Variants in CXorf38 observed in about 807,000 individuals in gnomAD.
CXorf38 encodes the protein chromosome X open reading frame 38.
A neutral mutation model predicts 27.5 loss-of-function variants in CXorf38; 13 were observed. That is an observed-to-expected ratio of 0.47 (90% CI 0.31 to 0.75). The LOEUF (loss-of-function observed/expected upper bound fraction) is 0.75, where lower values mean the gene tolerates loss of function less well. Among genes scored for constraint, CXorf38 ranks in the 30% least tolerant of loss-of-function variants. CXorf38 has a pLI of 0.05. For missense variants in CXorf38, 240 were observed against 253.2 expected, an observed-to-expected ratio of 0.95 and a Z score of 0.35; for synonymous variants, 100 against 99.8, an observed-to-expected ratio of 1.00 and a Z score of -0.01.
intron 2 of CXorf38, among the ~76,000 whole-genome samples, chrX:40,641,911 G>C (rs1202947341): frequency 3.6e-5 from 4 of 111,763 alleles, no homozygotes; most frequent in Non-Finnish European, 7.5e-5. Context: ...AAAATAAACA[G>C]AGGCCCAATT....
Position 40,639,096 on chromosome X carries a change from T to C in CXorf38, c.384A>G (p.Gln128=). 8.3e-7 allele frequency: 1 copy of C among 1,211,329 alleles called. No homozygotes were observed. Among genetic ancestry groups the C allele is most frequent in the South Asian group, 1.8e-5 (1 of 57,002 alleles). The part of the protein sequence containing the change: ...AFMPRGLADK[Q]GPEECDAVAL... ...CAACTGCATCACATTCCTCAGGTCC[T>C]TGTTTGTCTGCTAGTCCTCGGGGCA... is the stretch of plus-strand genomic sequence containing the variant. Residue 128 remains glutamine (Q), a synonymous_variant, in exon 3 of 7, where the codon CAA becomes CAG. Coordinates refer to ENST00000327877, the MANE Select transcript of CXorf38 (RefSeq NM_144970.3).
At chrX:40,631,018 C>T (rs1927753154) in intron 5 of CXorf38, among the ~76,000 whole-genome samples, 1 of 110,510 alleles carries the variant, frequency 9.0e-6, no homozygotes, top group Non-Finnish European at 1.9e-5. Flanking sequence ...TGGGGGTACA[C>T]AAGGGAATAT....
At position 40,647,489 on chromosome X, in the gene CXorf38, T is replaced by C. The variant is rs1196026258; in HGVS notation, c.32A>G (p.Asn11Ser). ...CACCCAGTTCTTGTACTCGGCGCAGTTGAGGCGCGCCGCTAGCTCCGACAG... is the reference window on the plus strand; with the variant it reads ...CACCCAGTTCTTGTACTCGGCGCAGCTGAGGCGCGCCGCTAGCTCCGACAG... Reference protein sequence around the residue: MVLSELAARLNCAEYKNWVKA... With the variant: MVLSELAARLSCAEYKNWVKA... The change falls in exon 1 of 7, where the codon AAC becomes AGC. Residue 11 changes from asparagine to serine, a missense_variant. Transcript: ENST00000327877. 8.4e-7 allele frequency: 1 copy of C among 1,187,624 alleles called. No individual in the cohort carries two copies. Among genetic ancestry groups the C allele is most frequent in the South Asian group, 1.8e-5 (1 of 54,843 alleles).
intron 2 of CXorf38, among the ~76,000 whole-genome samples, chrX:40,640,812 C>T (rs1345155643): frequency 6.4e-5 from 7 of 109,124 alleles, no homozygotes; most frequent in Non-Finnish European, 9.5e-5. Flanking sequence ...TGGTGGCACG[C>T]GCCTGTAATC....
At position 40,647,011 on chromosome X, in the gene CXorf38, G is replaced by A; in HGVS notation, c.347C>T (p.Ala116Val). 1 of 1,210,392 alleles carries A rather than the reference G, an allele frequency of 8.3e-7. No homozygotes were observed. The highest frequency in any genetic ancestry group is 1.1e-6 in the Non-Finnish European group (1 of 894,758). The change falls in exon 2 of 7, where the codon GCC becomes GTC. Residue 116 changes from alanine to valine, a missense_variant. By Grantham distance (64) the Ala-to-Val change is moderately conservative. Transcript: ENST00000327877. ...GRWPVDAWEV[A>V]KAFMPRGLAD... ...GTCCCCGCCTCAGGCGCTTACCTTG[G>A]CCACCTCCCAGGCGTCCACGGGCCA...
chrX:40,647,121 C>T lies in CXorf38; in HGVS notation c.237G>A (p.Val79=). 2 of 1,212,175 alleles carry T rather than the reference C, an allele frequency of 1.6e-6. No homozygotes were observed. The highest frequency in any genetic ancestry group is 2.2e-6 in the Non-Finnish European group (2 of 895,450). ...AAATCTCCCTTTTCCATTCAGCGCACACCTGACACTGAGGCTGAAACTACA... is the reference window on the plus strand; with the variant it reads ...AAATCTCCCTTTTCCATTCAGCGCATACCTGACACTGAGGCTGAAACTACA... ...RARQFQPQCQ[V]CAEWKREILR... Residue 79 remains valine (V), a synonymous_variant, in exon 2 of 7, where the codon GTG becomes GTA. Coordinates refer to ENST00000327877, the MANE Select transcript of CXorf38 (RefSeq NM_144970.3).
chrX:40,639,182 G>A (rs937996847), intron 2 of CXorf38, 54 bp from the exon 3 acceptor site: 1 of 1,134,141 alleles, frequency 8.8e-7, no homozygotes, highest in Non-Finnish European at 1.2e-6. Flanking sequence ...TCTAGGAGAT[G>A]GAAAGGCAAT....
At chrX:40,630,806 G>A in intron 5 of CXorf38, 33 bp from the exon 6 acceptor site, 1 of 1,174,353 alleles carries the variant, frequency 8.5e-7, no homozygotes, top group South Asian at 1.9e-5. Context: ...GTACAGCTTA[G>A]ACGATTTTAT....
chrX:40,630,613 C>T lies in CXorf38; in HGVS notation c.*1+1G>A, dbSNP rs765142399. 8 of 1,208,039 alleles carry T rather than the reference C, an allele frequency of 6.6e-6. No homozygotes were observed. Among genetic ancestry groups the T allele is most frequent in the African/African-American group, 1.7e-5 (1 of 57,712 alleles). ...TAACACCATCATCTGCCTGAACTCA[C>T]CTCAGGCCTTCCTGTCAGGTGTTTG... On this transcript the variant is annotated splice_donor_variant, in intron 6 of 6. Coordinates refer to ENST00000327877, the MANE Select transcript of CXorf38 (RefSeq NM_144970.3). LOFTEE classifies it low-confidence loss of function (3UTR_SPLICE).
At chrX:40,639,506 A>C (rs1006468713) in intron 2 of CXorf38, 5 of 119,727 alleles carry the variant, frequency 4.2e-5, no homozygotes, top group African/African-American at 1.6e-4. Flanking sequence ...ACACTTTCTA[A>C]ATGACTTGAG....
At chrX:40,631,254 T>TACACACACAC (rs56725827) in intron 5 of CXorf38, among the ~76,000 whole-genome samples, 176 of 88,942 alleles carry the variant, frequency 2.0e-3, no homozygotes, top group African/African-American at 6.8e-3. Context: ...TATATATATA[T>TACACACACAC]ACACACACAC....
intron 2 of CXorf38, chrX:40,640,224 G>T (rs1350129472): frequency 6.3e-6 from 2 of 317,835 alleles, no homozygotes; most frequent in Non-Finnish European, 1.2e-5. Context: ...AGGTACTCAA[G>T]AGGCTGAGGC....
At chrX:40,630,521 T>A in intron 6 of CXorf38, 93 bp downstream of exon 6, 1 of 859,290 alleles carries the variant, frequency 1.2e-6, no homozygotes, top group African/African-American at 2.0e-5. Flanking sequence ...ATTAGATTGT[T>A]GTGTGTTCAT....
intron 2 of CXorf38, among the ~76,000 whole-genome samples, chrX:40,640,588 C>T (rs759828353): frequency 9.1e-6 from 1 of 110,497 alleles, no homozygotes; most frequent in Non-Finnish European, 1.9e-5. Context: ...TCAACAGGTA[C>T]AATAGCCAGT....
chrX:40,636,472 C>T, intron 5 of CXorf38, 61 bp downstream of exon 5: 1 of 728,133 alleles, frequency 1.4e-6, no homozygotes, highest in Non-Finnish European at 2.0e-6. Context: ...GCTACTCTTC[C>T]TCCCCAGAAT....
Position 40,631,725 on chromosome X carries a change from C to T in CXorf38, c.802-952G>A, listed in dbSNP as rs781290767. Among the ~76,000 whole-genome samples, 11 of 112,240 alleles carry T rather than the reference C, an allele frequency of 9.8e-5. No homozygotes were observed. In the South Asian group the frequency reaches 1.8e-3, roughly 19 times the overall value. ...GAGCAGTAGTTCTTAAACTGCAGAG[C>T]GTACATCACTGATTCCCATGCAGTA... On this transcript the variant is annotated intron_variant, in intron 5 of 6. Transcript: ENST00000327877.
At chrX:40,644,880 G>C (rs912805479) in intron 2 of CXorf38, among the ~76,000 whole-genome samples, 1 of 112,032 alleles carries the variant, frequency 8.9e-6, no homozygotes, top group Non-Finnish European at 1.9e-5. Context: ...TGGCCAGACC[G>C]CTGGGGCTCA....
intron 3 of CXorf38, 64 bp from the exon 4 acceptor site, chrX:40,637,220 ACTCC>A: frequency 1.2e-6 from 1 of 825,677 alleles, no homozygotes; most frequent in Admixed American, 3.6e-5. Flanking sequence ...GAGATCTTTC[ACTCC>A]AAAGAAAAAA....
chrX:40,630,466 T>A (rs1004798873), intron 6 of CXorf38, 148 bp downstream of exon 6: 1 of 510,242 alleles, frequency 2.0e-6, no homozygotes, highest in Non-Finnish European at 3.1e-6. Context: ...AACACAAACC[T>A]CAGTGTCCTT....
Sources: gnomAD v4.1 joint callset for allele counts (sites outside exome capture counted in the v4.1 genomes callset) on GRCh38, gnomAD v4.1.1 for gene constraint, MANE v1.5 for transcripts, NCBI Gene and HGNC (gene_info 2026-07-23, HGNC 2026-07-21) for gene names.